Variants in THBS2 observed in about 807,000 individuals in gnomAD.
THBS2 encodes thrombospondin-2.
In THBS2, 47 loss-of-function variants were observed where a neutral mutation model predicts 135.2. That is an observed-to-expected ratio of 0.35 (90% CI 0.28 to 0.44). THBS2 has a LOEUF of 0.44. THBS2 is among the 20% of genes least tolerant of loss of function. The pLI is 1.00. For missense variants in THBS2, 1,288 were observed against 1,603.1 expected (o/e 0.80, Z 3.36); for synonymous variants, 639 against 633.8 (o/e 1.01, Z -0.12).
At chr6:169,224,729 C>A (rs1779557358) in intron 17 of THBS2, among the ~76,000 whole-genome samples, 1 of 152,244 alleles carries the variant, frequency 6.6e-6, no homozygotes, top group East Asian at 1.9e-4. Flanking sequence ...CTCTTCCTCT[C>A]ATGCTTCACA....
In THBS2 at chr6:169,217,626, C is replaced by T. The variant is rs1009696818; in HGVS notation, c.*196G>A. On this transcript the variant is annotated 3_prime_UTR_variant, in exon 22 of 22. Coordinates refer to ENST00000617924, the MANE Select transcript of THBS2 (RefSeq NM_003247.5). ...TTCCTCTAGTGGGTTAGATGTTCAT[C>T]TCTGAGTTCCATTGATATTTATCCT... The T allele has an allele frequency of 5.5e-6, 3 of 543,780 alleles. No individual in the cohort carries two copies. In the African/African-American group the frequency reaches 5.8e-5, roughly 10 times the overall value. 33.7% of individuals were successfully genotyped at this position (543,780 alleles called of 1,614,324 possible).
intron 21 of THBS2, 41 bp downstream of exon 21, chr6:169,220,157 G>A: frequency 2.5e-6 from 4 of 1,597,706 alleles, no homozygotes; most frequent in Non-Finnish European, 3.4e-6. Flanking sequence ...CTTTCTGGGT[G>A]CCACATGCCT....
chr6:169,230,690 A>T (rs1473273079), intron 13 of THBS2, among the ~76,000 whole-genome samples: 1 of 152,202 alleles, frequency 6.6e-6, no homozygotes, highest in Admixed American at 6.5e-5. Context: ...TTCCACAATG[A>T]TGGAAAGAAT....
intron 9 of THBS2, among the ~76,000 whole-genome samples, chr6:169,236,106 CCATCCACACTCATTCCCCCTTAAACA>C: frequency 7.6e-6 from 1 of 131,152 alleles, no homozygotes; most frequent in Non-Finnish European, 1.6e-5. Flanking sequence ...CACTCACTCC[CCATCCACACTCATTCCCCCTTAAACA>C]CCATCCACAC....
intron 21 of THBS2, among the ~76,000 whole-genome samples, chr6:169,218,498 G>GTGGA (rs1327136708): frequency 1.5e-5 from 2 of 134,470 alleles, no homozygotes; most frequent in Non-Finnish European, 3.2e-5. Context: ...AAATGGATGG[G>GTGGA]TGGATGGATG....
At chr6:169,234,700 G>T (rs372207260) in intron 10 of THBS2, 34 bp downstream of exon 10, 3 of 1,464,046 alleles carry the variant, frequency 2.0e-6, no homozygotes, top group Non-Finnish European at 2.7e-6. Context: ...TGGAAGCCCG[G>T]GTTTCAGTGC....
At chr6:169,236,491 C>CTCTA (rs1554246606) in intron 9 of THBS2, among the ~76,000 whole-genome samples, 2 of 87,900 alleles carry the variant, frequency 2.3e-5, no homozygotes, top group Non-Finnish European at 4.4e-5. Context: ...CACACTCACT[C>CTCTA]TCCACATTCA....
At chr6:169,239,034 C>T (rs1040596325) in intron 7 of THBS2, among the ~76,000 whole-genome samples, 10 of 152,196 alleles carry the variant, frequency 6.6e-5, no homozygotes, top group Admixed American at 5.2e-4. Context: ...CTGAGGGCAG[C>T]GTTGGGGCCA....
intron 3 of THBS2, among the ~76,000 whole-genome samples, chr6:169,246,958 T>C (rs956771080): frequency 3.9e-5 from 6 of 152,232 alleles, no homozygotes; most frequent in African/African-American, 1.4e-4. Context: ...AAACATATTT[T>C]AACCAAAATG....
intron 21 of THBS2, 131 bp downstream of exon 21, chr6:169,220,067 A>G (rs568767085): frequency 1.7e-5 from 20 of 1,168,992 alleles, no homozygotes; most frequent in Non-Finnish European, 2.4e-5. Context: ...CAGGGGGCTC[A>G]TGTGTGGTAT....
chr6:169,216,561 CAG>C lies in THBS2; in HGVS notation c.*1259_*1260del, dbSNP rs1404017518. On this transcript the variant is annotated 3_prime_UTR_variant, in exon 22 of 22. Transcript: ENST00000617924. ...AATTCCATATACAGCAGATAGATAA[CAG>C]TAACAAATATTGAACTAAAATCGCT... 1 of 151,742 alleles carries C rather than the reference CAG, an allele frequency of 6.6e-6. No individual in the cohort carries two copies. The highest frequency in any genetic ancestry group is 2.4e-5 in the African/African-American group (1 of 41,190). 9.4% of individuals were successfully genotyped at this position (151,742 alleles called of 1,614,324 possible).
At position 169,248,819 on chromosome 6, in the gene THBS2, A is replaced by G. The variant is rs1780654307; in HGVS notation, c.207T>C (p.Asp69=). The change falls in exon 3 of 22, where the codon GAT becomes GAC. Residue 69 remains aspartate, a synonymous_variant. Coordinates refer to ENST00000617924, the MANE Select transcript of THBS2 (RefSeq NM_003247.5). ...RFDYIPPVNA[D]DLSKITKIMR... Reference sequence around the variant, plus strand: ...TGATCTTGGTGATCTTGCTGAGGTCATCTGCGTTCACCGGTGGGATGTAGT... The same window carrying G: ...TGATCTTGGTGATCTTGCTGAGGTCGTCTGCGTTCACCGGTGGGATGTAGT... 6.2e-7 allele frequency: 1 copy of G among 1,610,732 alleles called. No homozygotes were observed. Among genetic ancestry groups the G allele is most frequent in the Non-Finnish European group, 8.5e-7 (1 of 1,180,022 alleles).
At position 169,242,652 on chromosome 6, in the gene THBS2, C is replaced by T. The variant is rs868545851; in HGVS notation, c.695-694G>A. Among the ~76,000 whole-genome samples, 236 of 38,976 alleles carry T rather than the reference C, an allele frequency of 6.1e-3. 27 individuals are homozygous for T. The Middle Eastern group carries it at 0.075, about 12-fold the overall frequency. 25.6% of individuals were successfully genotyped at this position (38,976 alleles called of 152,430 possible). A position where few individuals can be genotyped will look rare whatever the true frequency, so the allele number is the denominator to read the frequency against. ...TCCCACCACTCCCACCTTCCCACCA[C>T]TCCCACCTTCCCACCACTCCCACCT... is the stretch of plus-strand genomic sequence containing the variant. On this transcript the variant is annotated intron_variant, in intron 4 of 21. Transcript: ENST00000617924.
At position 169,225,262 on chromosome 6, in the gene THBS2, C is replaced by T; in HGVS notation, c.2656G>A (p.Asp886Asn). 2 of 1,612,340 alleles carry T rather than the reference C, an allele frequency of 1.2e-6. No homozygotes were observed. Among genetic ancestry groups the T allele is most frequent in the South Asian group, 1.1e-5 (1 of 90,868 alleles). ...CPYISNANQA[D>N]HDRDGQGDAC... ...TCGCCCTGGCCGTCTCTGTCATGGT[C>T]AGCCTGGTTGGCGTTGGAGATGTAG... The change falls in exon 17 of 22, where the codon GAC becomes AAC. Residue 886 changes from aspartate to asparagine, a missense_variant. By Grantham distance (23) the Asp-to-Asn change is conservative. Around this residue, in one of 2 missense-constraint regions of THBS2, gnomAD observed 874 missense variants for 1,156.1 expected, o/e 0.76. Coordinates refer to ENST00000617924, the MANE Select transcript of THBS2 (RefSeq NM_003247.5).
At position 169,216,223 on chromosome 6, in the gene THBS2, A is replaced by G. The variant is rs1254993588; in HGVS notation, c.*1599T>C. ...ACAAAATTAATTTTATCAAAATGCA[A>G]TGTGTACATTAAGACTAAAGTTATG... On this transcript the variant is annotated 3_prime_UTR_variant, in exon 22 of 22. Coordinates refer to ENST00000617924, the MANE Select transcript of THBS2 (RefSeq NM_003247.5). 2 of 152,346 alleles carry G rather than the reference A, an allele frequency of 1.3e-5. No individual in the cohort carries two copies. Among genetic ancestry groups the G allele is most frequent in the Non-Finnish European group, 2.9e-5 (2 of 68,038 alleles). The allele number at this position is 152,346 out of a possible 1,614,324, so 9.4% of individuals were successfully genotyped here. A position where few individuals can be genotyped will look rare whatever the true frequency, so the allele number is the denominator to read the frequency against.
In THBS2 at chr6:169,232,016, C is replaced by T. The variant is rs1204511266; in HGVS notation, c.2115G>A (p.Leu705=). The change falls in exon 13 of 22, where the codon CTG becomes CTA. Residue 705 remains leucine (L), a synonymous_variant. Coordinates refer to ENST00000617924, the MANE Select transcript of THBS2 (RefSeq NM_003247.5). ...SDLDGWPNLN[L]VCATNATYHC... is the part of the protein sequence containing the mutation. Reference sequence around the variant, plus strand: ...GGTAGGTGGCGTTGGTGGCGCAGACCAGATTGAGGTTGGGCCAGCCGTCCA... The same window carrying T: ...GGTAGGTGGCGTTGGTGGCGCAGACTAGATTGAGGTTGGGCCAGCCGTCCA... The T allele has an allele frequency of 4.1e-5, 66 of 1,614,006 alleles. No individual in the cohort carries two copies. Among genetic ancestry groups the T allele is most frequent in the Non-Finnish European group, 5.4e-5 (64 of 1,179,934 alleles).
At chr6:169,224,428 C>T (rs1242379692) in intron 17 of THBS2, among the ~76,000 whole-genome samples, 4 of 152,208 alleles carry the variant, frequency 2.6e-5, no homozygotes, top group African/African-American at 4.8e-5. Context: ...AGGAGCTGCC[C>T]TTCTGATCCC....
At chr6:169,228,705 C>G (rs1475028040) in intron 14 of THBS2, among the ~76,000 whole-genome samples, 2 of 152,146 alleles carry the variant, frequency 1.3e-5, no homozygotes, top group Admixed American at 1.3e-4. Context: ...AGGCGGGTCA[C>G]CTGAGGTCAG....
At position 169,229,469 on chromosome 6, in the gene THBS2, A is replaced by G. The variant is rs138238403; in HGVS notation, c.2259+103T>C. 1,597 of 864,802 alleles carry G rather than the reference A, an allele frequency of 1.8e-3. 17 individuals carry two copies. In the African/African-American group the frequency reaches 0.024, roughly 13 times the overall value. 53.6% of individuals were successfully genotyped at this position (864,802 alleles called of 1,614,324 possible). On this transcript the variant is annotated intron_variant, in intron 14 of 21. Coordinates refer to ENST00000617924, the MANE Select transcript of THBS2 (RefSeq NM_003247.5). ...GCCTATGCACAAACGCTTGCAGGAC[A>G]ATGGCAGTTACGTTGACAAGGGCTG...
Sources: allele counts gnomAD v4.1 joint callset (sites outside exome capture counted in the v4.1 genomes callset), GRCh38; gene constraint gnomAD v4.1.1; regional missense constraint gnomAD v4.1.1; transcripts MANE v1.5; gene names NCBI Gene and HGNC (gene_info 2026-07-23, HGNC 2026-07-21).